ANXA13: variants seen among roughly 807,000 people sequenced by gnomAD.
ANXA13 encodes the protein annexin A13, also known as annexin XIII.
In ANXA13, 36 loss-of-function variants were observed where a neutral mutation model predicts 46.6. That is an observed-to-expected ratio of 0.77 (90% CI 0.59 to 1.02). ANXA13 has a LOEUF of 1.02. Among genes scored for constraint, ANXA13 ranks in the 50% least tolerant of loss-of-function variants. The pLI, the probability that ANXA13 is intolerant of heterozygous loss-of-function variation, is 0.00. For synonymous variants in ANXA13, 163 were observed against 152.9 expected, an observed-to-expected ratio of 1.07 and a Z score of -0.49; for missense variants, 417 against 396.5, an observed-to-expected ratio of 1.05 and a Z score of -0.44.
intron 2 of ANXA13, among the ~76,000 whole-genome samples, chr8:123,704,463 G>A (rs1224747295): frequency 3.4e-5 from 5 of 146,608 alleles, no homozygotes; most frequent in African/African-American, 1.4e-4. Context: ...GAGCGCAGTG[G>A]CATGATCACT....
intron 2 of ANXA13, chr8:123,712,200 C>G (rs374686624): frequency 6.0e-6 from 1 of 166,878 alleles, no homozygotes. Flanking sequence ...AGGGGAAACT[C>G]CTTTCACTTG....
chr8:123,722,650 A>T (rs760205638), intron 1 of ANXA13, among the ~76,000 whole-genome samples: 1 of 152,210 alleles, frequency 6.6e-6, no homozygotes, highest in Non-Finnish European at 1.5e-5. Context: ...TGCTCCCAAT[A>T]TTCCTTCTGA....
intron 1 of ANXA13, among the ~76,000 whole-genome samples, chr8:123,713,800 T>C (rs1813706750): frequency 6.6e-6 from 1 of 152,158 alleles, no homozygotes; most frequent in Non-Finnish European, 1.5e-5. Flanking sequence ...TTCAAGTGAT[T>C]TTCATGCCTC....
chr8:123,701,753 CTTT>C (rs11312821), intron 3 of ANXA13, among the ~76,000 whole-genome samples: 8 of 149,276 alleles, frequency 5.4e-5, no homozygotes, highest in Non-Finnish European at 8.9e-5. Flanking sequence ...TCCTGGTTCT[CTTT>C]TTTTTTTTTA....
intron 1 of ANXA13, among the ~76,000 whole-genome samples, chr8:123,715,859 C>T (rs1329070116): frequency 2.6e-5 from 4 of 152,144 alleles, no homozygotes; most frequent in East Asian, 1.9e-4. Flanking sequence ...GCCCCTCATC[C>T]CCTTCCCGTT....
At chr8:123,698,636 G>A (rs1245648607) in intron 3 of ANXA13, 77 bp from the exon 4 acceptor site, 5 of 1,471,346 alleles carry the variant, frequency 3.4e-6, no homozygotes, top group Non-Finnish European at 4.7e-6. Flanking sequence ...ACTATTGCAA[G>A]TGCTCATAGT....
At chr8:123,713,987 C>T (rs1813710996) in intron 1 of ANXA13, among the ~76,000 whole-genome samples, 1 of 152,168 alleles carries the variant, frequency 6.6e-6, no homozygotes, top group African/African-American at 2.4e-5. Context: ...AGCCACGGCG[C>T]CCGGCATGTC....
chr8:123,729,777 T>C (rs1814077009), intron 1 of ANXA13, among the ~76,000 whole-genome samples: 1 of 152,228 alleles, frequency 6.6e-6, no homozygotes, highest in Admixed American at 6.5e-5. Flanking sequence ...CAATTAAATG[T>C]CTTTGTTATT....
At position 123,681,755 on chromosome 8, in the gene ANXA13, C is replaced by G. The variant is rs190279038; in HGVS notation, c.832-396G>C. Among the ~76,000 whole-genome samples, 343 of 151,682 alleles carry G rather than the reference C, an allele frequency of 2.3e-3. 3 individuals are homozygous for G. Among genetic ancestry groups the G allele is most frequent in the African/African-American group, 7.8e-3 (323 of 41,334 alleles). On this transcript the variant is annotated intron_variant, in intron 10 of 10. Transcript: ENST00000419625. ...TGTCCTGCCTCAGCCCCCCAAGTAG[C>G]TGGGATTACAGTCAACCACCATGCC...
chr8:123,712,774 G>C (rs1420222647), intron 1 of ANXA13, 21 bp from the exon 2 acceptor site: 1 of 1,610,648 alleles, frequency 6.2e-7, no homozygotes, highest in Non-Finnish European at 8.5e-7. Flanking sequence ...TAATTGAAAA[G>C]GTGAGATGAC....
At chr8:123,685,526 C>T (rs1047676612) in intron 9 of ANXA13, among the ~76,000 whole-genome samples, 3 of 152,166 alleles carry the variant, frequency 2.0e-5, no homozygotes, top group Non-Finnish European at 4.4e-5. Flanking sequence ...AGGCTGTTAA[C>T]ATTTCTCTAG....
rs73331958 is a variant in ANXA13, at chr8:123,704,438, A to G, written c.92-1702T>C. On this transcript the variant is annotated intron_variant, in intron 2 of 10. Coordinates refer to ENST00000419625, the MANE Select transcript of ANXA13 (RefSeq NM_004306.4). ...TTTTTTTTTGAGACAGGGTCTGGCT[A>G]TGTCACCCAGGCTAGAGCGCAGTGG... Among the ~76,000 whole-genome samples, 95 of 151,458 alleles carry G rather than the reference A, an allele frequency of 6.3e-4. 2 individuals are homozygous for G. The South Asian group carries it at 0.018, about 29-fold the overall frequency.
intron 1 of ANXA13, among the ~76,000 whole-genome samples, chr8:123,714,711 C>T (rs1045793603): frequency 2.2e-4 from 34 of 152,336 alleles, no homozygotes; most frequent in African/African-American, 8.2e-4. Context: ...ACCTCCCTGC[C>T]TTTTGGAACA....
chr8:123,686,056 G>A (rs775093001), intron 9 of ANXA13, among the ~76,000 whole-genome samples: 4 of 152,100 alleles, frequency 2.6e-5, no homozygotes, highest in Non-Finnish European at 5.9e-5. Context: ...GATATTTCAG[G>A]AAGAAAACTC....
chr8:123,696,248 G>A (rs1813334411), intron 4 of ANXA13, among the ~76,000 whole-genome samples: 1 of 152,100 alleles, frequency 6.6e-6, no homozygotes, highest in Non-Finnish European at 1.5e-5. Flanking sequence ...ATCCAGCTAT[G>A]CTTGTACATG....
chr8:123,708,891 A>G (rs1813598583), intron 2 of ANXA13, among the ~76,000 whole-genome samples: 1 of 152,048 alleles, frequency 6.6e-6, no homozygotes, highest in African/African-American at 2.4e-5. Flanking sequence ...CCATCTGCCC[A>G]TGGCCTTCTC....
chr8:123,733,139 G>A (rs1217989545), intron 1 of ANXA13, among the ~76,000 whole-genome samples: 1 of 151,784 alleles, frequency 6.6e-6, no homozygotes, highest in Non-Finnish European at 1.5e-5. Context: ...CTCCAGCCTG[G>A]GCAACAGAGC....
Position 123,695,669 on chromosome 8 carries a change from A to C in ANXA13, c.391+19T>G, listed in dbSNP as rs947589971. On this transcript the variant is annotated intron_variant, in intron 5 of 10. Coordinates refer to ENST00000419625, the MANE Select transcript of ANXA13 (RefSeq NM_004306.4). The stretch of plus-strand genomic sequence containing the variant: ...AAAGAAACATACTTTATCCAAAGCC[A>C]GAATGAAAAGTCACTTACGCCTTTG... The C allele has an allele frequency of 1.5e-5, 25 of 1,613,364 alleles. No individual in the cohort carries two copies. Among genetic ancestry groups the C allele is most frequent in the Non-Finnish European group, 2.1e-5 (25 of 1,179,412 alleles).
intron 2 of ANXA13, among the ~76,000 whole-genome samples, chr8:123,709,555 G>C (rs1350390770): frequency 6.6e-6 from 1 of 152,020 alleles, no homozygotes; most frequent in African/African-American, 2.4e-5. Context: ...ATCAGACCTT[G>C]GCAATGACCT....
Sources: gnomAD v4.1 joint callset for allele counts (sites outside exome capture counted in the v4.1 genomes callset) on GRCh38, gnomAD v4.1.1 for gene constraint, MANE v1.5 for transcripts, NCBI Gene and HGNC (gene_info 2026-07-23, HGNC 2026-07-21) for gene names.